The following PLCH1 variants were observed in gnomAD, a reference collection of about 807,000 sequenced individuals.
PLCH1 encodes the protein 1-phosphatidylinositol 4,5-bisphosphate phosphodiesterase eta-1.
In PLCH1, 60 loss-of-function variants were observed where a neutral mutation model predicts 126.7. The ratio of observed to expected loss-of-function variants is 0.47; its 90% CI spans 0.38 to 0.59. The LOEUF (loss-of-function observed/expected upper bound fraction) is 0.59, where lower values mean the gene tolerates loss of function less well. Ranked by LOEUF, PLCH1 falls within the 20% of genes least tolerant of loss-of-function variation. The pLI is 0.00. For missense variants in PLCH1, 1,723 were observed against 2,040.0 expected (o/e 0.84, Z 2.99); for synonymous variants, 719 against 734.9 (o/e 0.98, Z 0.35).
intron 7 of PLCH1, among the ~76,000 whole-genome samples, chr3:155,567,011 G>A (rs1046687960): frequency 6.6e-6 from 1 of 152,088 alleles, no homozygotes; most frequent in Non-Finnish European, 1.5e-5. Context: ...AAAGGCCCAA[G>A]TTAGTTTATC....
intron 2 of PLCH1, among the ~76,000 whole-genome samples, chr3:155,686,085 C>A (rs1001216362): frequency 6.6e-6 from 1 of 152,092 alleles, no homozygotes; most frequent in African/African-American, 2.4e-5. Context: ...AGGTATGCAA[C>A]TTATTCTCAA....
chr3:155,459,836 A>G (rs1712643737), intron 21 of PLCH1, among the ~76,000 whole-genome samples: 1 of 152,220 alleles, frequency 6.6e-6, no homozygotes, highest in Non-Finnish European at 1.5e-5. Flanking sequence ...ATGTTTTATT[A>G]TAGCTAAGAA....
chr3:155,494,170 T>C lies in PLCH1; in HGVS notation c.2153A>G (p.Tyr718Cys). 1 of 1,614,044 alleles carries C rather than the reference T, an allele frequency of 6.2e-7. No individual in the cohort carries two copies. Among genetic ancestry groups the C allele is most frequent in the Non-Finnish European group, 8.5e-7 (1 of 1,179,870 alleles). The change falls in exon 17 of 23, where the codon TAT becomes TGT. Residue 718 changes from tyrosine (Y) to cysteine (C), a missense_variant. Tyr to Cys is a radical substitution (Grantham distance 194, BLOSUM62 -2). Coordinates refer to ENST00000460012, the MANE Select transcript of PLCH1 (RefSeq NM_014996.4). ...AKFKANGNCG[Y>C]VLKPQQMCKG... is the part of the protein sequence containing the mutation. ...GCACATTTGCTGGGGTTTGAGGACA[T>C]AGCCACAATTGCCATTTGCCTTGAA...
At position 155,566,352 on chromosome 3, in the gene PLCH1, C is replaced by T. The variant is rs866370210; in HGVS notation, c.866-1234G>A. ...ATACGTATATATACACATATATATA[C>T]ATATATATACACACATATATATATG... On this transcript the variant is annotated intron_variant, in intron 7 of 22. Coordinates refer to ENST00000460012, the MANE Select transcript of PLCH1 (RefSeq NM_014996.4). 1.8e-4 allele frequency among the ~76,000 whole-genome samples: 5 copies of T among 27,914 alleles called. 2 individuals are homozygous for T. Among genetic ancestry groups the T allele is most frequent in the Admixed American group, 9.0e-4 (2 of 2,222 alleles). 18.3% of individuals were successfully genotyped at this position (27,914 alleles called of 152,430 possible).
chr3:155,743,518 C>A (rs1398885713), intron 1 of PLCH1: 2 of 448,568 alleles, frequency 4.5e-6, no homozygotes, highest in Non-Finnish European at 8.9e-6. Flanking sequence ...GGCGACAGAG[C>A]CAGACTCCGT....
At position 155,644,196 on chromosome 3, in the gene PLCH1, C is replaced by T. The variant is rs147709460; in HGVS notation, c.80-47818G>A. ...ATATGAAGGGTGGTGTTACATTCTC[C>T]AACACCCCAGAACCACAGCTCCAAC... On this transcript the variant is annotated intron_variant, in intron 2 of 22. Transcript: ENST00000460012. 8.7e-3 allele frequency among the ~76,000 whole-genome samples: 1,326 copies of T among 152,276 alleles called. 16 individuals carry two copies. Among genetic ancestry groups the T allele is most frequent in the African/African-American group, 0.031 (1,271 of 41,546 alleles).
rs79684287 is a variant in PLCH1 at position 155,460,466 on chromosome 3, C to A, written c.2938+24890G>T. 6.1e-3 allele frequency among the ~76,000 whole-genome samples: 928 copies of A among 152,008 alleles called. 11 individuals are homozygous for A. Among genetic ancestry groups the A allele is most frequent in the African/African-American group, 0.021 (861 of 41,442 alleles). On this transcript the variant is annotated intron_variant, in intron 21 of 21. Transcript: ENST00000494598. ...CAATGGGTCCAATAGATATAAGGAC[C>A]CATTCTGTTACTTCTCTAGTCTCTG...
At chr3:155,496,377 G>A (rs1459423285) in intron 15 of PLCH1, among the ~76,000 whole-genome samples, 2 of 152,194 alleles carry the variant, frequency 1.3e-5, no homozygotes, top group Non-Finnish European at 2.9e-5. Flanking sequence ...CTCAGTTGCT[G>A]AGAATCCTAC....
At chr3:155,670,606 T>A (rs1048187893) in intron 2 of PLCH1, among the ~76,000 whole-genome samples, 1 of 152,046 alleles carries the variant, frequency 6.6e-6, no homozygotes, top group Non-Finnish European at 1.5e-5. Flanking sequence ...AAAACTTCAA[T>A]GGGTAGGGTT....
At chr3:155,471,650 AT>A (rs1174310797) in intron 21 of PLCH1, among the ~76,000 whole-genome samples, 1 of 147,128 alleles carries the variant, frequency 6.8e-6, no homozygotes, top group African/African-American at 2.5e-5. Context: ...CACCACACCT[AT>A]TCCAAAATTG....
intron 2 of PLCH1, among the ~76,000 whole-genome samples, chr3:155,635,543 A>G (rs956776712): frequency 6.6e-5 from 10 of 152,232 alleles, no homozygotes; most frequent in African/African-American, 2.4e-4. Flanking sequence ...GAAATATCCC[A>G]TATCTCAAAA....
intron 1 of PLCH1, among the ~76,000 whole-genome samples, chr3:155,735,076 C>T (rs1430908541): frequency 6.6e-6 from 1 of 152,034 alleles, no homozygotes; most frequent in African/African-American, 2.4e-5. Context: ...CATGGATGAA[C>T]CTGGAGGACA....
At chr3:155,516,521 G>A (rs1469888626) in intron 11 of PLCH1, among the ~76,000 whole-genome samples, 1 of 152,150 alleles carries the variant, frequency 6.6e-6, no homozygotes, top group Admixed American at 6.5e-5. Flanking sequence ...GAGAGCGGAG[G>A]GACTTGAAAG....
chr3:155,624,364 C>G lies in PLCH1; in HGVS notation c.80-27986G>C, dbSNP rs183418679. Among the ~76,000 whole-genome samples, 987 of 152,274 alleles carry G rather than the reference C, an allele frequency of 6.5e-3. 15 individuals carry two copies. Among genetic ancestry groups the G allele is most frequent in the African/African-American group, 0.022 (933 of 41,548 alleles). On this transcript the variant is annotated intron_variant, in intron 2 of 22. Transcript: ENST00000460012. ...AAAAGACAAGGATGCCCTCTCTCACCACTCCTATTCAACATAGTATTGGAA... is the reference window on the plus strand; with the variant it reads ...AAAAGACAAGGATGCCCTCTCTCACGACTCCTATTCAACATAGTATTGGAA...
chr3:155,742,781 A>T (rs1678692684), intron 1 of PLCH1: 1 of 152,788 alleles, frequency 6.5e-6, no homozygotes, highest in Non-Finnish European at 1.5e-5. Context: ...ATGAGATGGG[A>T]GACAACTTTA....
chr3:155,481,569 C>T lies in PLCH1; in HGVS notation c.4457G>A (p.Ser1486Asn). 6.2e-7 allele frequency: 1 copy of T among 1,614,162 alleles called. No individual in the cohort carries two copies. Among genetic ancestry groups the T allele is most frequent in the South Asian group, 1.1e-5 (1 of 91,084 alleles). The change falls in exon 23 of 23, where the codon AGT becomes AAT. Residue 1486 changes from serine to asparagine, a missense_variant. Physicochemically the swap from Ser to Asn is conservative, Grantham distance 46. Around this residue, in one of 2 missense-constraint regions of PLCH1, gnomAD observed 947 missense variants for 977.1 expected, o/e 0.97. Transcript: ENST00000460012. This position sits in a 1 kb window ranked among gnomAD's most constrained non-coding sequence, Gnocchi z 4.2. The stretch of plus-strand genomic sequence containing the variant: ...GTCCTCTGATGTTAAGTCCCCCAGA[C>T]TTTTGGATTTGCAAGGACTAGGCAG... ...LKLPSPCKSK[S>N]LGDLTSEDIA...
In PLCH1 at chr3:155,583,801, A is replaced by T. The variant is rs141470988; in HGVS notation, c.601-159T>A. On this transcript the variant is annotated intron_variant, in intron 5 of 22. Coordinates refer to ENST00000460012, the MANE Select transcript of PLCH1 (RefSeq NM_014996.4). ...CATTCTCTTCAAGCACACATGGAAC[A>T]TTATAAAGCAACCACATATTTGGCC... Among the ~76,000 whole-genome samples, 14 of 152,302 alleles carry T rather than the reference A, an allele frequency of 9.2e-5. No individual in the cohort carries two copies. The East Asian group carries it at 2.1e-3, about 23-fold the overall frequency.
At chr3:155,528,173 G>A (rs1311976095) in intron 10 of PLCH1, among the ~76,000 whole-genome samples, 2 of 149,526 alleles carry the variant, frequency 1.3e-5, no homozygotes, top group African/African-American at 2.5e-5. Context: ...GCAGTGAGTT[G>A]AGGTTGCACC....
chr3:155,685,901 T>C (rs1744898642), intron 2 of PLCH1, among the ~76,000 whole-genome samples: 1 of 152,136 alleles, frequency 6.6e-6, no homozygotes, highest in South Asian at 2.1e-4. Flanking sequence ...CCCTAAGAAC[T>C]TGGTAGGATT....
Sources: gnomAD v4.1 joint callset for allele counts (sites outside exome capture counted in the v4.1 genomes callset) on GRCh38, gnomAD v4.1.1 for gene constraint, gnomAD v4.1.1 regional missense constraint, Gnocchi (gnomAD v3.1) non-coding constraint, MANE v1.5 for transcripts, NCBI Gene and HGNC (gene_info 2026-07-23, HGNC 2026-07-21) for gene names.